Variants in HMCN1 observed in about 807,000 individuals in gnomAD.
HMCN1 encodes the protein hemicentin 1.
A neutral mutation model predicts 625.9 loss-of-function variants in HMCN1; 321 were observed. The observed-to-expected ratio is 0.51, with a 90% CI of 0.47 to 0.56. The LOEUF (loss-of-function observed/expected upper bound fraction) is 0.56, where lower values mean the gene tolerates loss of function less well. Ranked by LOEUF, HMCN1 falls within the 20% of genes least tolerant of loss-of-function variation. The pLI, the probability that HMCN1 is intolerant of heterozygous loss-of-function variation, is 0.00. For missense variants in HMCN1, 6,588 were observed against 6,887.3 expected, an observed-to-expected ratio of 0.96 and a Z score of 1.54; for synonymous variants, 2,425 against 2,417.6, an observed-to-expected ratio of 1.00 and a Z score of -0.09.
chr1:186,090,828 G>A lies in HMCN1; in HGVS notation c.9798G>A (p.Leu3266=). 1.2e-6 allele frequency: 2 copies of A among 1,612,580 alleles called. No individual in the cohort carries two copies. Among genetic ancestry groups the A allele is most frequent in the Non-Finnish European group, 1.7e-6 (2 of 1,179,036 alleles). ...TCCTTCTAGGAGAAAATGTTGAGCT[G>A]GTCTGCAATGCAAATGGCATTCCTA... ...VSVLLGENVE[L]VCNANGIPTP... is the part of the protein sequence containing the mutation. The change falls in exon 64 of 107, where the codon CTG becomes CTA. Residue 3266 remains leucine, a synonymous_variant. Transcript: ENST00000271588.
intron 86 of HMCN1, among the ~76,000 whole-genome samples, chr1:186,134,871 C>T (rs561988247): frequency 7.9e-5 from 12 of 152,094 alleles, no homozygotes; most frequent in African/African-American, 2.9e-4. Context: ...TATGCTGCCC[C>T]GTTTGCTTTC....
In HMCN1 at chr1:185,735,038, C is replaced by G. The variant is rs1653462237; in HGVS notation, c.259C>G (p.His87Asp). 1.9e-6 allele frequency: 3 copies of G among 1,613,994 alleles called. No individual in the cohort carries two copies. The highest frequency in any genetic ancestry group is 1.7e-5 in the Admixed American group (1 of 60,010). ...PLFNFALVPF[H>D]DPEIGPVTIT... is the part of the protein sequence containing the mutation. ...TTTCAACTTTGCGTTGGTGCCTTTC[C>G]ATGATCCAGGTAAGGGAAATATTTA... Residue 87 changes from histidine to aspartate, a missense_variant, in exon 1 of 107, where the codon CAT (histidine) becomes GAT (aspartate). By Grantham distance (81) the His-to-Asp change is moderately conservative. This residue lies in a region of HMCN1 where 4,628 missense variants were observed against 4,853.1 expected (regional missense o/e 0.95). Transcript: ENST00000271588.
At chr1:185,827,104 AG>A (rs1660566748) in intron 1 of HMCN1, among the ~76,000 whole-genome samples, 1 of 149,918 alleles carries the variant, frequency 6.7e-6, no homozygotes, top group Non-Finnish European at 1.5e-5. Flanking sequence ...CCCGGGAGGC[AG>A]AGCTTGCAGT....
rs1374079806 is a variant in HMCN1, at chr1:186,189,908, T to C, written c.*30T>C. 6.2e-7 allele frequency: 1 copy of C among 1,610,122 alleles called. No homozygotes were observed. Among genetic ancestry groups the C allele is most frequent in the African/African-American group, 1.3e-5 (1 of 74,820 alleles). The stretch of plus-strand genomic sequence containing the variant: ...CTCTCCAAAGCCTATTCCACATATT[T>C]AAACCGCATTAATCATGGCAATCAA... On this transcript the variant is annotated 3_prime_UTR_variant, in exon 107 of 107. Coordinates refer to ENST00000271588, the MANE Select transcript of HMCN1 (RefSeq NM_031935.3).
intron 4 of HMCN1, among the ~76,000 whole-genome samples, chr1:185,889,897 C>G (rs1321873285): frequency 6.8e-6 from 1 of 147,528 alleles, no homozygotes; most frequent in Non-Finnish European, 1.5e-5. Flanking sequence ...ACCAGTTCCT[C>G]CTTGTACCTC....
rs752648280 is a variant in HMCN1 at position 186,120,196 on chromosome 1, G to A, written c.12229+51G>A. The A allele has an allele frequency of 5.5e-5, 86 of 1,575,940 alleles. No homozygotes were observed. In the Admixed American group the frequency reaches 1.4e-3, roughly 26 times the overall value. ...TCAATTCAAAGATGTTTGTAACAAT[G>A]TCTACCAAATATTTATATATCTAAA... On this transcript the variant is annotated intron_variant, in intron 80 of 106. Transcript: ENST00000271588.
Position 185,995,086 on chromosome 1 carries a change from A to G in HMCN1, c.3777A>G (p.Gln1259=), listed in dbSNP as rs1407222552. 3 of 1,613,448 alleles carry G rather than the reference A, an allele frequency of 1.9e-6. No homozygotes were observed. Among genetic ancestry groups the G allele is most frequent in the East Asian group, 2.2e-5 (1 of 44,854 alleles). The change falls in exon 24 of 107, where the codon CAA becomes CAG. Residue 1259 remains glutamine, a splice_region_variant and synonymous_variant. Coordinates refer to ENST00000271588, the MANE Select transcript of HMCN1 (RefSeq NM_031935.3). ...TDETEITLHV[Q]EPPTVEDLEP... ...AAACAGAGATAACGCTACATGTCCA[A>G]GGTGATTCTTGACACAGGAAAATAT...
chr1:185,855,742 C>T (rs2102337651), intron 2 of HMCN1, among the ~76,000 whole-genome samples: 1 of 152,264 alleles, frequency 6.6e-6, no homozygotes, highest in African/African-American at 2.4e-5. Flanking sequence ...AAATCCTTAC[C>T]AGTGACAGGT....
rs559777006 is a variant in HMCN1, at chr1:186,108,035, T to TAA, written c.10853-403_10853-402dup. On this transcript the variant is annotated intron_variant, in intron 70 of 106. Transcript: ENST00000271588. The stretch of plus-strand genomic sequence containing the variant: ...CAAATTAATTGACACGTAAATTCTG[T>TAA]AAAAAAAAAAAAAAAAAAAAAAAAG... Among the ~76,000 whole-genome samples the TAA allele has an allele frequency of 2.9e-3, 286 of 98,290 alleles. 3 individuals are homozygous for TAA. Among genetic ancestry groups the TAA allele is most frequent in the African/African-American group, 9.7e-3 (245 of 25,300 alleles). The allele number at this position is 98,290 out of a possible 152,430, so 64.5% of individuals were successfully genotyped here.
At chr1:185,818,804 C>G (rs61829884) in intron 1 of HMCN1, among the ~76,000 whole-genome samples, 14 of 151,950 alleles carry the variant, frequency 9.2e-5, no homozygotes, top group Non-Finnish European at 1.6e-4. Flanking sequence ...AAAACTTATC[C>G]TAAATAAATC....
At chr1:185,892,891 C>A (rs181315168) in intron 4 of HMCN1, among the ~76,000 whole-genome samples, 1 of 152,296 alleles carries the variant, frequency 6.6e-6, no homozygotes, top group Non-Finnish European at 1.5e-5. Flanking sequence ...TGGTCAATGG[C>A]GGGCGCCCCT....
At chr1:185,821,675 C>T (rs537657153) in intron 1 of HMCN1, among the ~76,000 whole-genome samples, 111 of 151,716 alleles carry the variant, frequency 7.3e-4, no homozygotes, top group Admixed American at 8.5e-4. Flanking sequence ...TGGAGCCAGT[C>T]TTGTATCTTA....
At chr1:186,164,717 A>AT (rs1279482842) in intron 97 of HMCN1, among the ~76,000 whole-genome samples, 1 of 152,222 alleles carries the variant, frequency 6.6e-6, no homozygotes, top group African/African-American at 2.4e-5. Context: ...ACGGGCACAA[A>AT]TTATTTTAAG....
intron 63 of HMCN1, among the ~76,000 whole-genome samples, chr1:186,089,543 G>A (rs1246104792): frequency 6.6e-6 from 1 of 151,860 alleles, no homozygotes; most frequent in Non-Finnish European, 1.5e-5. Flanking sequence ...TGATGCTTTG[G>A]GATTTCAGAA....
chr1:185,833,297 G>T (rs1660978557), intron 1 of HMCN1, among the ~76,000 whole-genome samples: 1 of 152,068 alleles, frequency 6.6e-6, no homozygotes, highest in Non-Finnish European at 1.5e-5. Context: ...AACATATTCA[G>T]CTTTTTTATA....
At chr1:186,071,457 A>G (rs1332291915) in intron 52 of HMCN1, among the ~76,000 whole-genome samples, 2 of 152,178 alleles carry the variant, frequency 1.3e-5, no homozygotes, top group Non-Finnish European at 2.9e-5. Context: ...GTTTTAAAAG[A>G]CATATGTGCT....
At chr1:185,990,144 T>C (rs1652320749) in intron 21 of HMCN1, 131 bp from the exon 22 acceptor site, 2 of 878,160 alleles carry the variant, frequency 2.3e-6, no homozygotes, top group Non-Finnish European at 3.8e-6. Context: ...ATGGAAAGTT[T>C]TAGCTTATGT....
intron 14 of HMCN1, among the ~76,000 whole-genome samples, chr1:185,967,747 T>C (rs1650521927): frequency 6.6e-6 from 1 of 152,108 alleles, no homozygotes; most frequent in Non-Finnish European, 1.5e-5. Context: ...CCAGGAAGGC[T>C]GGGAAAATGC....
intron 93 of HMCN1, among the ~76,000 whole-genome samples, chr1:186,147,973 T>A: frequency 6.6e-6 from 1 of 152,250 alleles, no homozygotes; most frequent in Non-Finnish European, 1.5e-5. Flanking sequence ...CTTCCTTTCA[T>A]GAATGATTTC....
Sources: gnomAD v4.1 joint callset for allele counts (sites outside exome capture counted in the v4.1 genomes callset) on GRCh38, gnomAD v4.1.1 for gene constraint, gnomAD v4.1.1 regional missense constraint, MANE v1.5 for transcripts, NCBI Gene and HGNC (gene_info 2026-07-23, HGNC 2026-07-21) for gene names.